PRKCZ: variants seen among roughly 807,000 people sequenced by gnomAD.
The protein encoded by PRKCZ is protein kinase C zeta.
In PRKCZ, 33 loss-of-function variants were observed where a neutral mutation model predicts 79.5. The ratio of observed to expected loss-of-function variants is 0.41; its 90% confidence interval spans 0.31 to 0.55. The LOEUF is 0.55. Among genes scored for constraint, PRKCZ ranks in the 20% least tolerant of loss-of-function variants. PRKCZ has a pLI of 0.19. For synonymous variants in PRKCZ, 342 were observed against 320.9 expected (o/e 1.07, Z -0.70); for missense variants, 578 against 813.5 (o/e 0.71, Z 3.52).
In PRKCZ at chr1:2,172,798, G is replaced by A. The variant is rs899599394; in HGVS notation, c.1285+410G>A. Reference sequence around the variant, plus strand: ...CACAGGCCCTGCGGCTGAGGACGCCGTGCACACCAGAGTGTTTCTGCTCCT... The same window carrying A: ...CACAGGCCCTGCGGCTGAGGACGCCATGCACACCAGAGTGTTTCTGCTCCT... On this transcript the variant is annotated intron_variant, in intron 13 of 17. Transcript: ENST00000378567. The surrounding 1 kb of genome is among the most constrained non-coding windows in gnomAD (Gnocchi z 7.8). 4.6e-5 allele frequency among the ~76,000 whole-genome samples: 7 copies of A among 152,358 alleles called. No individual in the cohort carries two copies. Among genetic ancestry groups the A allele is most frequent in the Admixed American group, 1.3e-4 (2 of 15,306 alleles).
chr1:2,115,457 T>C (rs1670573068), intron 4 of PRKCZ, among the ~76,000 whole-genome samples: 1 of 152,248 alleles, frequency 6.6e-6, no homozygotes, highest in African/African-American at 2.4e-5. Flanking sequence ...CCTCCAGTTA[T>C]GTGGGGTTTT....
chr1:2,111,677 C>G (rs1669771258), intron 4 of PRKCZ: 2 of 152,434 alleles, frequency 1.3e-5, no homozygotes, highest in African/African-American at 4.8e-5. Flanking sequence ...CCGGCCTGGA[C>G]TCAGGACCCT....
chr1:2,151,269 G>T (rs1160793594), intron 9 of PRKCZ, among the ~76,000 whole-genome samples: 1 of 152,262 alleles, frequency 6.6e-6, no homozygotes, highest in African/African-American at 2.4e-5. Flanking sequence ...CAGGCTGCAA[G>T]CCCGTACGGC....
rs1683747694 is a variant in PRKCZ at position 2,168,367 on chromosome 1, G to A, written c.975-1151G>A. On this transcript the variant is annotated intron_variant, in intron 10 of 17. Coordinates refer to ENST00000378567, the MANE Select transcript of PRKCZ (RefSeq NM_002744.6). This position sits in a 1 kb window ranked among gnomAD's most constrained non-coding sequence, Gnocchi z 4.7. ...TTTCCAGGCACATCCGTTGGAGGCA[G>A]GGGAGACAACAAAAGCCGAGGAACG... 2.0e-5 allele frequency among the ~76,000 whole-genome samples: 3 copies of A among 152,338 alleles called. No homozygotes were observed. Among genetic ancestry groups the A allele is most frequent in the Admixed American group, 2.0e-4 (3 of 15,306 alleles).
At chr1:2,146,460 A>G (rs1038558735) in intron 7 of PRKCZ, among the ~76,000 whole-genome samples, 4 of 152,178 alleles carry the variant, frequency 2.6e-5, no homozygotes, top group African/African-American at 7.2e-5. Flanking sequence ...ACCTCCCACA[A>G]TCTGGCTGCT....
rs1025281088 is a variant in PRKCZ at position 2,125,820 on chromosome 1, C to T, written c.335-9442C>T. Among the ~76,000 whole-genome samples, 6 of 152,372 alleles carry T rather than the reference C, an allele frequency of 3.9e-5. No homozygotes were observed. Among genetic ancestry groups the T allele is most frequent in the Middle Eastern group, 6.8e-3 (2 of 294 alleles). ...CTTGGGGGCCCACGCATCCTAGCCA[C>T]GGCCTCCTCACGTCCATGCGGGGAT... On this transcript the variant is annotated intron_variant, in intron 4 of 17. Coordinates refer to ENST00000378567, the MANE Select transcript of PRKCZ (RefSeq NM_002744.6). This position sits in a 1 kb window ranked among gnomAD's most constrained non-coding sequence, Gnocchi z 4.2.
At chr1:2,092,803 C>T (rs925696363) in intron 4 of PRKCZ, among the ~76,000 whole-genome samples, 5 of 151,892 alleles carry the variant, frequency 3.3e-5, no homozygotes, top group Non-Finnish European at 5.9e-5. Flanking sequence ...GGACAGGGCT[C>T]GGGAGGAGGG....
At chr1:2,183,454 GGAGT>G (rs1687041717) in intron 16 of PRKCZ, 1 of 151,836 alleles carries the variant, frequency 6.6e-6, no homozygotes, top group Admixed American at 6.6e-5. Context: ...GGTTAGCGAG[GGAGT>G]GAGAGGGTGA....
chr1:2,071,388 G>A, intron 4 of PRKCZ: 1 of 438,970 alleles, frequency 2.3e-6, no homozygotes, highest in Non-Finnish European at 4.5e-6. Context: ...TAGTGGGGCT[G>A]CGCGACCGCC....
intron 5 of PRKCZ, 60 bp downstream of exon 5, chr1:2,135,407 G>A (rs1571717553): frequency 1.4e-6 from 2 of 1,454,914 alleles, no homozygotes; most frequent in East Asian, 4.7e-5. Context: ...TAAAAGCAAA[G>A]AGAGAGGAGG....
chr1:2,056,235 A>G (rs1178196586), intron 2 of PRKCZ, among the ~76,000 whole-genome samples: 1 of 152,128 alleles, frequency 6.6e-6, no homozygotes, highest in African/African-American at 2.4e-5. Context: ...TAGCCCTCCA[A>G]GTGGTGCCCA....
intron 4 of PRKCZ, among the ~76,000 whole-genome samples, chr1:2,087,864 G>A (rs778108348): frequency 1.4e-4 from 21 of 152,180 alleles, no homozygotes; most frequent in Non-Finnish European, 2.8e-4. Context: ...TCCGGGCACC[G>A]GGGGCAGCAT....
At chr1:2,135,178 C>T (rs1344646546) in intron 4 of PRKCZ, 84 bp from the exon 5 acceptor site, 10 of 1,195,528 alleles carry the variant, frequency 8.4e-6, no homozygotes, top group Admixed American at 2.1e-5. Flanking sequence ...ACCACCTGGA[C>T]GGGAGTGGCC....
intron 16 of PRKCZ, among the ~76,000 whole-genome samples, chr1:2,179,702 C>T (rs971750639): frequency 3.9e-5 from 6 of 152,218 alleles, no homozygotes; most frequent in Non-Finnish European, 7.3e-5. Context: ...GAGATTCTGC[C>T]TCAGGGCCAG....
At chr1:2,118,662 T>A (rs963833052) in intron 4 of PRKCZ, among the ~76,000 whole-genome samples, 2 of 151,810 alleles carry the variant, frequency 1.3e-5, no homozygotes, top group Non-Finnish European at 2.9e-5. Context: ...GATGAAAATA[T>A]TATTGTCATT....
At chr1:2,051,706 C>G (rs1221331539) in intron 1 of PRKCZ, among the ~76,000 whole-genome samples, 1 of 152,132 alleles carries the variant, frequency 6.6e-6, no homozygotes, top group Non-Finnish European at 1.5e-5. Flanking sequence ...CGGGCCACGT[C>G]CTCTCAGGAC....
chr1:2,109,429 A>G (rs1669265652), intron 4 of PRKCZ, among the ~76,000 whole-genome samples: 1 of 152,224 alleles, frequency 6.6e-6, no homozygotes, highest in African/African-American at 2.4e-5. Flanking sequence ...AGTGGTGCAC[A>G]CGATACCTGC....
chr1:2,167,008 G>A (rs1683467032), intron 10 of PRKCZ, among the ~76,000 whole-genome samples: 1 of 152,260 alleles, frequency 6.6e-6, no homozygotes, highest in Middle Eastern at 3.2e-3. Context: ...AGCTCAGCTT[G>A]TGTCACGCAG....
chr1:2,169,303 A>G (rs1359115872), intron 10 of PRKCZ: 2 of 601,668 alleles, frequency 3.3e-6, no homozygotes, highest in Non-Finnish European at 6.3e-6. Flanking sequence ...AGGCCCCCGC[A>G]TGACTCCCTC....
Sources: gnomAD v4.1 joint callset for allele counts (sites outside exome capture counted in the v4.1 genomes callset) on GRCh38, gnomAD v4.1.1 for gene constraint, Gnocchi (gnomAD v3.1) non-coding constraint, MANE v1.5 for transcripts, NCBI Gene and HGNC (gene_info 2026-07-23, HGNC 2026-07-21) for gene names.